FSTL4: variants seen among roughly 807,000 people sequenced by gnomAD.
FSTL4 encodes the protein follistatin-related protein 4.
FSTL4 carries 28 observed loss-of-function variants against 78.2 expected under a neutral mutation model. The observed-to-expected ratio is 0.36, with a 90% CI of 0.27 to 0.49. FSTL4 has a LOEUF of 0.49. FSTL4 is among the 20% of genes least tolerant of loss of function. The probability of loss-of-function intolerance (pLI) is 0.98; values close to 1 mark genes in which losing one functional copy is unlikely to be tolerated. For missense variants in FSTL4, 922 were observed against 1,084.9 expected, an observed-to-expected ratio of 0.85 and a Z score of 2.11; for synonymous variants, 422 against 440.5, an observed-to-expected ratio of 0.96 and a Z score of 0.53.
In FSTL4 at chr5:133,221,905, T is replaced by TTTTTTG. The variant is rs1561626748; in HGVS notation, c.1340-1040_1340-1039insCAAAAA. The stretch of plus-strand genomic sequence containing the variant: ...TCTCTTTTCTAGTTTTTTTTTTTTT[T>TTTTTTG]TTTTTTTTTTTTTTTTTTTTTTAGC... On this transcript the variant is annotated intron_variant, in intron 11 of 15. Transcript: ENST00000265342. Among the ~76,000 whole-genome samples the TTTTTTG allele has an allele frequency of 2.4e-3, 158 of 64,676 alleles. 4 individuals carry two copies. Among genetic ancestry groups the TTTTTTG allele is most frequent in the African/African-American group, 0.011 (153 of 13,348 alleles). 42.4% of individuals were successfully genotyped at this position (64,676 alleles called of 152,430 possible).
chr5:133,446,618 C>A (rs1007518187), intron 3 of FSTL4, among the ~76,000 whole-genome samples: 2 of 152,210 alleles, frequency 1.3e-5, no homozygotes, highest in Non-Finnish European at 2.9e-5. Flanking sequence ...CACACTGGGG[C>A]TCCTCCCTCC....
intron 3 of FSTL4, among the ~76,000 whole-genome samples, chr5:133,531,723 G>C (rs1044633225): frequency 6.6e-6 from 1 of 152,204 alleles, no homozygotes; most frequent in East Asian, 1.9e-4. Flanking sequence ...TTAGTTTACA[G>C]CACCACAGGT....
intron 3 of FSTL4, among the ~76,000 whole-genome samples, chr5:133,508,383 A>G (rs1758655552): frequency 6.6e-6 from 1 of 152,158 alleles, no homozygotes; most frequent in Non-Finnish European, 1.5e-5. Flanking sequence ...GGTCTGAGCT[A>G]CCTTTGGGAG....
chr5:133,277,998 T>C (rs1411949329), intron 6 of FSTL4, among the ~76,000 whole-genome samples: 1 of 152,108 alleles, frequency 6.6e-6, no homozygotes, highest in East Asian at 1.9e-4. Context: ...GCCTGGAACA[T>C]GCGGCCCTCA....
At chr5:133,299,761 C>T (rs1339323468) in intron 6 of FSTL4, among the ~76,000 whole-genome samples, 1 of 152,136 alleles carries the variant, frequency 6.6e-6, no homozygotes, top group Non-Finnish European at 1.5e-5. Flanking sequence ...GTGTGCACAT[C>T]TTTAGTTGAA....
intron 3 of FSTL4, among the ~76,000 whole-genome samples, chr5:133,529,382 T>C (rs1759203258): frequency 6.6e-6 from 1 of 152,208 alleles, no homozygotes; most frequent in South Asian, 2.1e-4. Flanking sequence ...TCTCCTTCTC[T>C]GTCTTCCCTA....
At chr5:133,826,949 G>A in the FSTL4 span, among the ~76,000 whole-genome samples, 1 of 152,212 alleles carries the variant, frequency 6.6e-6, no homozygotes, top group Non-Finnish European at 1.5e-5. Flanking sequence ...GCAGGGCAGG[G>A]ATCTGAGAAC....
the FSTL4 span, among the ~76,000 whole-genome samples, chr5:133,724,796 G>C: frequency 0.3 from 45,240 of 151,936 alleles, 8,801 homozygotes; most frequent in African/African-American, 0.56. Context: ...CTGCCTATCC[G>C]AAAGTCATGA....
At chr5:133,323,868 G>T (rs576790616) in intron 4 of FSTL4, among the ~76,000 whole-genome samples, 16 of 152,348 alleles carry the variant, frequency 1.1e-4, no homozygotes, top group African/African-American at 3.8e-4. Flanking sequence ...CATGAGAAAG[G>T]TCAGTCGCAG....
At chr5:133,391,265 G>A (rs1260295492) in intron 4 of FSTL4, among the ~76,000 whole-genome samples, 25 of 152,168 alleles carry the variant, frequency 1.6e-4, no homozygotes, top group Non-Finnish European at 2.9e-5. Context: ...GCACGATAGG[G>A]GAGAACCTTA....
At chr5:133,385,107 G>A (rs1420990886) in intron 4 of FSTL4, among the ~76,000 whole-genome samples, 2 of 152,106 alleles carry the variant, frequency 1.3e-5, no homozygotes, top group Non-Finnish European at 2.9e-5. Flanking sequence ...TCCCCTCTCA[G>A]CTCCCCATGG....
the FSTL4 span, among the ~76,000 whole-genome samples, chr5:133,633,414 A>G: frequency 6.6e-6 from 1 of 152,174 alleles, no homozygotes; most frequent in Admixed American, 6.5e-5. Flanking sequence ...GAACCCATTC[A>G]TTAAATTTTT....
the FSTL4 span, among the ~76,000 whole-genome samples, chr5:133,680,275 A>G: frequency 6.6e-6 from 1 of 152,202 alleles, no homozygotes; most frequent in Non-Finnish European, 1.5e-5. Flanking sequence ...TGAATTCTGG[A>G]AATACACAAA....
At chr5:133,836,621 C>T in the FSTL4 span, among the ~76,000 whole-genome samples, 8 of 151,482 alleles carry the variant, frequency 5.3e-5, no homozygotes, top group Non-Finnish European at 8.8e-5. Flanking sequence ...GATCAACATC[C>T]TTCTGTCTTC....
At chr5:133,553,736 A>G (rs1296603702) in intron 3 of FSTL4, among the ~76,000 whole-genome samples, 1 of 152,216 alleles carries the variant, frequency 6.6e-6, no homozygotes, top group Non-Finnish European at 1.5e-5. Flanking sequence ...GCAGGAAAAC[A>G]AAACACTTAG....
the FSTL4 span, among the ~76,000 whole-genome samples, chr5:133,687,503 G>A: frequency 8.5e-5 from 13 of 152,140 alleles, no homozygotes; most frequent in Non-Finnish European, 1.6e-4. Flanking sequence ...GAGGAGGAGA[G>A]AGATCTGAGG....
the FSTL4 span, among the ~76,000 whole-genome samples, chr5:133,817,692 T>C: frequency 2.6e-5 from 4 of 152,116 alleles, no homozygotes; most frequent in East Asian, 5.8e-4. Context: ...TGACCTCCCA[T>C]GGGCAGAACT....
the FSTL4 span, among the ~76,000 whole-genome samples, chr5:133,761,510 A>T: frequency 6.6e-6 from 1 of 152,130 alleles, no homozygotes; most frequent in Non-Finnish European, 1.5e-5. Context: ...TTCAAGCCCC[A>T]TTTCCCCTGA....
At chr5:133,724,417 T>G in the FSTL4 span, among the ~76,000 whole-genome samples, 1 of 151,732 alleles carries the variant, frequency 6.6e-6, no homozygotes, top group Admixed American at 6.6e-5. Context: ...CTACTGCTTC[T>G]TTGCTGTTCT....
Sources: gnomAD v4.1 joint callset for allele counts (sites outside exome capture counted in the v4.1 genomes callset) on GRCh38, gnomAD v4.1.1 for gene constraint, MANE v1.5 for transcripts, NCBI Gene and HGNC (gene_info 2026-07-23, HGNC 2026-07-21) for gene names.